Variants in OR2AG1 observed in about 807,000 individuals in gnomAD.
The protein encoded by OR2AG1 is olfactory receptor family 2 subfamily AG member 1, also known as olfactory receptor 2AG1.
For missense variants in OR2AG1, 391 were observed against 385.9 expected, an observed-to-expected ratio of 1.01 and a Z score of -0.11; for synonymous variants, 157 against 155.6, an observed-to-expected ratio of 1.01 and a Z score of -0.07.
Position 6,786,600 on chromosome 11 carries a change from T to C in OR2AG1, c.*612T>C, listed in dbSNP as rs780129509. The C allele has an allele frequency of 6.6e-6, 1 of 152,240 alleles. No homozygotes were observed. Among genetic ancestry groups the C allele is most frequent in the African/African-American group, 2.4e-5 (1 of 41,458 alleles). The allele number at this position is 152,240 out of a possible 1,614,324, so 9.4% of individuals were successfully genotyped here. On this transcript the variant is annotated 3_prime_UTR_variant, in exon 2 of 2. Transcript: ENST00000641258. ...TGACATGGAGATACTTTATAGTTCCTAAAATGCAATTATTAATAAAATGAA... is the reference window on the plus strand; with the variant it reads ...TGACATGGAGATACTTTATAGTTCCCAAAATGCAATTATTAATAAAATGAA...
At position 6,785,415 on chromosome 11, in the gene OR2AG1, T is replaced by C; in HGVS notation, c.378T>C (p.Ile126=). 2 of 1,614,156 alleles carry C rather than the reference T, an allele frequency of 1.2e-6. No homozygotes were observed. Among genetic ancestry groups the C allele is most frequent in the African/African-American group, 1.3e-5 (1 of 75,044 alleles). Residue 126 remains isoleucine, a synonymous_variant, in exon 2 of 2, where the codon ATT becomes ATC. Transcript: ENST00000641258. ...TGGCCTATGACAGGTATGTGGCCATTTGTCATCCTCTGACATACATGACCC... is the reference window on the plus strand; with the variant it reads ...TGGCCTATGACAGGTATGTGGCCATCTGTCATCCTCTGACATACATGACCC... ...AFMAYDRYVA[I]CHPLTYMTLM... is the part of the protein sequence containing the mutation.
rs1847628462 is a variant in OR2AG1 at position 6,786,408 on chromosome 11, C to A, written c.*420C>A. ...GTCTTGAGATTTGCACAAATTTAGA[C>A]CAACTGACCTTATTAAAAGGTTATA... On this transcript the variant is annotated 3_prime_UTR_variant, in exon 2 of 2. Transcript: ENST00000641258. The A allele has an allele frequency of 6.2e-6, 1 of 161,094 alleles. No individual in the cohort carries two copies. Among genetic ancestry groups the A allele is most frequent in the African/African-American group, 2.4e-5 (1 of 41,608 alleles). The allele number at this position is 161,094 out of a possible 1,614,324, so 10.0% of individuals were successfully genotyped here.
Position 6,788,753 on chromosome 11 carries a change from A to C in OR2AG1, c.*2765A>C, listed in dbSNP as rs1847652739. ...CACTAGAACAGAAGCAGTTGGCTACAAAGCCCTCTTCAAATCCTCCACATA... is the reference window on the plus strand; with the variant it reads ...CACTAGAACAGAAGCAGTTGGCTACCAAGCCCTCTTCAAATCCTCCACATA... On this transcript the variant is annotated 3_prime_UTR_variant, in exon 2 of 2. Coordinates refer to ENST00000641258, the MANE Select transcript of OR2AG1 (RefSeq NM_001004489.3). 1.3e-5 allele frequency: 2 copies of C among 152,040 alleles called. No homozygotes were observed. The highest frequency in any genetic ancestry group is 2.9e-5 in the Non-Finnish European group (2 of 68,030). The allele number at this position is 152,040 out of a possible 1,614,324, so 9.4% of individuals were successfully genotyped here.
rs1564902385 is a variant in OR2AG1 at position 6,785,344 on chromosome 11, C to A, written c.307C>A (p.Leu103Met). The A allele has an allele frequency of 6.2e-7, 1 of 1,614,210 alleles. No homozygotes were observed. The highest frequency in any genetic ancestry group is 2.2e-5 in the East Asian group (1 of 44,872). Residue 103 changes from leucine (L) to methionine (M), a missense_variant, in exon 2 of 2, where the codon CTG becomes ATG. Leu to Met is a conservative substitution (Grantham distance 15). Transcript: ENST00000641258. ...TGGAGGCTGTGCCCTTCAGATGTTC[C>A]TGGCACTGACAATGGGTGGTGCTGA... ...SFGGCALQMFLALTMGGAEDL... is the reference protein window; with the variant it reads ...SFGGCALQMFMALTMGGAEDL...
rs1847688255 is a variant in OR2AG1 at position 6,791,418 on chromosome 11, G to T, written c.*5430G>T. 6.6e-6 allele frequency: 1 copy of T among 152,200 alleles called. No homozygotes were observed. The highest frequency in any genetic ancestry group is 2.4e-5 in the African/African-American group (1 of 41,442). 9.4% of individuals were successfully genotyped at this position (152,200 alleles called of 1,614,324 possible). A position where few individuals can be genotyped will look rare whatever the true frequency, so the allele number is the denominator to read the frequency against. On this transcript the variant is annotated 3_prime_UTR_variant, in exon 2 of 2. Transcript: ENST00000641258. ...CCCGCTTCTCTACCAAGCACACGGA[G>T]ATGTCCACTTATTCTTGCTGGCACC...
In OR2AG1 at chr11:6,788,531, A is replaced by T. The variant is rs1016337948; in HGVS notation, c.*2543A>T. The T allele has an allele frequency of 3.3e-5, 5 of 152,150 alleles. No homozygotes were observed. The highest frequency in any genetic ancestry group is 2.1e-4 in the South Asian group (1 of 4,834). 9.4% of individuals were successfully genotyped at this position (152,150 alleles called of 1,614,324 possible). On this transcript the variant is annotated 3_prime_UTR_variant, in exon 2 of 2. Transcript: ENST00000641258. ...GAAGACATTTGATTCTATCATTCAC[A>T]TCTTAATAGCTCACTTGTAATTTGA...
rs1289755500 is a variant in OR2AG1 at position 6,783,252 on chromosome 11, G to A, written c.-240G>A. On this transcript the variant is annotated 5_prime_UTR_variant, in exon 1 of 2. Coordinates refer to ENST00000641258, the MANE Select transcript of OR2AG1 (RefSeq NM_001004489.3). ...CTGCCTGCATCCACTGCTATCTCTA[G>A]GGTAGACCTGCAGATAAGTGGAAGG... 1.3e-5 allele frequency: 2 copies of A among 152,194 alleles called. No homozygotes were observed. The allele number at this position is 152,194 out of a possible 1,614,324, so 9.4% of individuals were successfully genotyped here.
rs555282458 is a variant in OR2AG1 at position 6,785,438 on chromosome 11, C to A, written c.401C>A (p.Thr134Asn). 6.2e-7 allele frequency: 1 copy of A among 1,614,112 alleles called. No individual in the cohort carries two copies. Among genetic ancestry groups the A allele is most frequent in the South Asian group, 1.1e-5 (1 of 91,076 alleles). The change falls in exon 2 of 2, where the codon ACC (threonine) becomes AAC (asparagine). Residue 134 changes from threonine (T) to asparagine (N), a missense_variant. Physicochemically the swap from Thr to Asn is moderately conservative, Grantham distance 65. Coordinates refer to ENST00000641258, the MANE Select transcript of OR2AG1 (RefSeq NM_001004489.3). Reference sequence around the variant, plus strand: ...ATTTGTCATCCTCTGACATACATGACCCTCATGAGCTCAAGAGCCTGCTGG... The same window carrying A: ...ATTTGTCATCCTCTGACATACATGAACCTCATGAGCTCAAGAGCCTGCTGG... Reference protein sequence around the residue: ...VAICHPLTYMTLMSSRACWLM... With the variant: ...VAICHPLTYMNLMSSRACWLM...
rs1363253598 is a variant in OR2AG1 at position 6,783,363 on chromosome 11, T to G, written c.-129T>G. On this transcript the variant is annotated 5_prime_UTR_variant, in exon 1 of 2. Transcript: ENST00000641258. ...CAATATTAAACCAACTGAACACTGC[T>G]GAAGAAAGCCACGTCCTTTCTTCCC... 1 of 152,246 alleles carries G rather than the reference T, an allele frequency of 6.6e-6. No homozygotes were observed. Among genetic ancestry groups the G allele is most frequent in the African/African-American group, 2.4e-5 (1 of 41,462 alleles). 9.4% of individuals were successfully genotyped at this position (152,246 alleles called of 1,614,324 possible).
chr11:6,785,511 A>G lies in OR2AG1; in HGVS notation c.474A>G (p.Ile158Met), dbSNP rs974163922. ...TCCTGGCATCCCTAAGTGCCCTAAT[A>G]TATACCGTGTATACCATGCACTATC... ...SWILASLSAL[I>M]YTVYTMHYPF... Residue 158 changes from isoleucine to methionine, a missense_variant, in exon 2 of 2, where the codon ATA (isoleucine) becomes ATG (methionine). Coordinates refer to ENST00000641258, the MANE Select transcript of OR2AG1 (RefSeq NM_001004489.3). The G allele has an allele frequency of 1.2e-6, 2 of 1,613,994 alleles. No individual in the cohort carries two copies. The highest frequency in any genetic ancestry group is 1.7e-5 in the Admixed American group (1 of 60,018).
At position 6,788,352 on chromosome 11, in the gene OR2AG1, T is replaced by C. The variant is rs2133030132; in HGVS notation, c.*2364T>C. 6.6e-6 allele frequency: 1 copy of C among 152,294 alleles called. No homozygotes were observed. The highest frequency in any genetic ancestry group is 2.1e-4 in the South Asian group (1 of 4,818). 9.4% of individuals were successfully genotyped at this position (152,294 alleles called of 1,614,324 possible). On this transcript the variant is annotated 3_prime_UTR_variant, in exon 2 of 2. Coordinates refer to ENST00000641258, the MANE Select transcript of OR2AG1 (RefSeq NM_001004489.3). ...ATCTTTACATGTGAAAATGATGATATTTCAACTTTTGTCAAAGGTACCATT... is the reference window on the plus strand; with the variant it reads ...ATCTTTACATGTGAAAATGATGATACTTCAACTTTTGTCAAAGGTACCATT...
Position 6,790,516 on chromosome 11 carries a change from T to C in OR2AG1, c.*4528T>C, listed in dbSNP as rs1036441797. 6.6e-6 allele frequency: 1 copy of C among 152,188 alleles called. No individual in the cohort carries two copies. The highest frequency in any genetic ancestry group is 2.4e-5 in the African/African-American group (1 of 41,440). 9.4% of individuals were successfully genotyped at this position (152,188 alleles called of 1,614,324 possible). A position where few individuals can be genotyped will look rare whatever the true frequency, so the allele number is the denominator to read the frequency against. On this transcript the variant is annotated 3_prime_UTR_variant, in exon 2 of 2. Coordinates refer to ENST00000641258, the MANE Select transcript of OR2AG1 (RefSeq NM_001004489.3). ...ATACGTATATCAAATCATCACACTG[T>C]ATACCTTAAATACATTCTAGTCATA...
chr11:6,786,154 C>A lies in OR2AG1; in HGVS notation c.*166C>A. 1.7e-6 allele frequency: 1 copy of A among 583,160 alleles called. No homozygotes were observed. The allele number at this position is 583,160 out of a possible 1,614,324, so 36.1% of individuals were successfully genotyped here. A position where few individuals can be genotyped will look rare whatever the true frequency, so the allele number is the denominator to read the frequency against. ...TCAAATGCTCTTTAAATCTTCTCTCCATGAAGTAATTTATAGGGCATGATT... is the reference window on the plus strand; with the variant it reads ...TCAAATGCTCTTTAAATCTTCTCTCAATGAAGTAATTTATAGGGCATGATT... On this transcript the variant is annotated 3_prime_UTR_variant, in exon 2 of 2. Transcript: ENST00000641258.
In OR2AG1 at chr11:6,786,095, T is replaced by C; in HGVS notation, c.*107T>C. ...ACCAATACAGTGCAGAGTATAGCAT[T>C]TAATAGAAAAGTGAAGGAATGTAAC... On this transcript the variant is annotated 3_prime_UTR_variant, in exon 2 of 2. Coordinates refer to ENST00000641258, the MANE Select transcript of OR2AG1 (RefSeq NM_001004489.3). 2 of 845,308 alleles carry C rather than the reference T, an allele frequency of 2.4e-6. No homozygotes were observed. The highest frequency in any genetic ancestry group is 3.4e-5 in the African/African-American group (2 of 59,014). 52.4% of individuals were successfully genotyped at this position (845,308 alleles called of 1,614,324 possible). A position where few individuals can be genotyped will look rare whatever the true frequency, so the allele number is the denominator to read the frequency against.
Position 6,785,074 on chromosome 11 carries a change from A to G in OR2AG1, c.37A>G (p.Ile13Val), listed in dbSNP as rs1328038635. 3 of 1,612,664 alleles carry G rather than the reference A, an allele frequency of 1.9e-6. No homozygotes were observed. The highest frequency in any genetic ancestry group is 2.5e-6 in the Non-Finnish European group (3 of 1,179,172). Reference protein sequence around the residue: ...LWNFTLGSGFILVGILNDSGS... With the variant: ...LWNFTLGSGFVLVGILNDSGS... ...GAACTTCACCTTGGGAAGTGGCTTC[A>G]TTTTGGTGGGGATTCTGAATGACAG... The change falls in exon 2 of 2, where the codon ATT becomes GTT. Residue 13 changes from isoleucine (I) to valine (V), a missense_variant. Physicochemically the swap from Ile to Val is conservative, Grantham distance 29 (BLOSUM62 3). Transcript: ENST00000641258.
rs1009885933 is a variant in OR2AG1 at position 6,788,423 on chromosome 11, A to G, written c.*2435A>G. On this transcript the variant is annotated 3_prime_UTR_variant, in exon 2 of 2. Transcript: ENST00000641258. ...TAATCCTTTCATTTTCTATTATTTT[A>G]CTACCTTCATCAGACATGTTCTAGT... 3 of 152,110 alleles carry G rather than the reference A, an allele frequency of 2.0e-5. No homozygotes were observed. The highest frequency in any genetic ancestry group is 6.6e-5 in the Admixed American group (1 of 15,262). 9.4% of individuals were successfully genotyped at this position (152,110 alleles called of 1,614,324 possible).
At position 6,786,094 on chromosome 11, in the gene OR2AG1, T is replaced by TCTG; in HGVS notation, c.*106_*107insCTG. Reference sequence around the variant, plus strand: ...AACCAATACAGTGCAGAGTATAGCATTTAATAGAAAAGTGAAGGAATGTAA... The same window carrying TCTG: ...AACCAATACAGTGCAGAGTATAGCATCTGTTAATAGAAAAGTGAAGGAATGTAA... On this transcript the variant is annotated 3_prime_UTR_variant, in exon 2 of 2. Coordinates refer to ENST00000641258, the MANE Select transcript of OR2AG1 (RefSeq NM_001004489.3). 1 of 853,634 alleles carries TCTG rather than the reference T, an allele frequency of 1.2e-6. No homozygotes were observed. Among genetic ancestry groups the TCTG allele is most frequent in the Non-Finnish European group, 1.8e-6 (1 of 557,670 alleles). 52.9% of individuals were successfully genotyped at this position (853,634 alleles called of 1,614,324 possible).
Position 6,787,398 on chromosome 11 carries a change from T to C in OR2AG1, c.*1410T>C, listed in dbSNP as rs1374556477. On this transcript the variant is annotated 3_prime_UTR_variant, in exon 2 of 2. Transcript: ENST00000641258. ...CCTGTTTGTGCCCAAGTCTGCAAGT[T>C]TGCAAAGTGTAAGTTGACATTAACA... The C allele has an allele frequency of 2.6e-5, 4 of 152,146 alleles. No homozygotes were observed. The highest frequency in any genetic ancestry group is 7.2e-5 in the African/African-American group (3 of 41,434). 9.4% of individuals were successfully genotyped at this position (152,146 alleles called of 1,614,324 possible). A position where few individuals can be genotyped will look rare whatever the true frequency, so the allele number is the denominator to read the frequency against.
rs1294705964 is a variant in OR2AG1, at chr11:6,785,213, T to C, written c.176T>C (p.Met59Thr). 1 of 1,614,158 alleles carries C rather than the reference T, an allele frequency of 6.2e-7. No homozygotes were observed. Among genetic ancestry groups the C allele is most frequent in the Admixed American group, 1.7e-5 (1 of 60,020 alleles). The change falls in exon 2 of 2, where the codon ATG becomes ACG. Residue 59 changes from methionine to threonine, a missense_variant. Physicochemically the swap from Met to Thr is moderately conservative, Grantham distance 81. Transcript: ENST00000641258. ...ATGGAAGCCCGGCTCCACATGCCCA[T>C]GTACCTCCTGCTTGGGCAGCTCTCT... ...ITMEARLHMP[M>T]YLLLGQLSLM...
Sources: allele counts gnomAD v4.1 joint callset, GRCh38; gene constraint gnomAD v4.1.1; transcripts MANE v1.5; gene names NCBI Gene and HGNC (gene_info 2026-07-23, HGNC 2026-07-21).